The following FER variants were observed in gnomAD, a reference collection of about 807,000 sequenced individuals.
FER encodes tyrosine-protein kinase Fer.
A neutral mutation model predicts 111.0 loss-of-function variants in FER; 63 were observed. The observed-to-expected ratio is 0.57, with a 90% confidence interval of 0.46 to 0.70. The LOEUF is 0.70. Among genes scored for constraint, FER ranks in the 30% least tolerant of loss-of-function variants. The probability of loss-of-function intolerance (pLI) is 0.00; values close to 1 mark genes in which losing one functional copy is unlikely to be tolerated. For synonymous variants in FER, 327 were observed against 313.9 expected (o/e 1.04, Z -0.44); for missense variants, 914 against 954.0 (o/e 0.96, Z 0.55).
intron 3 of FER, among the ~76,000 whole-genome samples, chr5:108,819,494 T>C (rs1307221100): frequency 6.6e-6 from 1 of 152,224 alleles, no homozygotes; most frequent in Non-Finnish European, 1.5e-5. Context: ...GATTAATTTA[T>C]CTGACATTCA....
chr5:108,879,233 A>G (rs1275508289), intron 8 of FER, among the ~76,000 whole-genome samples: 1 of 151,940 alleles, frequency 6.6e-6, no homozygotes, highest in Admixed American at 6.6e-5. Context: ...AACTGTTACT[A>G]TTTTTTATGC....
intron 5 of FER, among the ~76,000 whole-genome samples, chr5:108,845,037 T>C (rs1453200571): frequency 1.7e-3 from 93 of 54,180 alleles, no homozygotes; most frequent in Admixed American, 3.8e-3. Flanking sequence ...TATATATATA[T>C]ATACATATAT....
At chr5:109,112,655 A>G (rs1318155769) in intron 17 of FER, among the ~76,000 whole-genome samples, 1 of 152,158 alleles carries the variant, frequency 6.6e-6, no homozygotes, top group Non-Finnish European at 1.5e-5. Flanking sequence ...AGAAAGTTTT[A>G]GCTGGTGTGT....
chr5:108,849,918 G>A (rs1407905700), intron 5 of FER, among the ~76,000 whole-genome samples: 4 of 152,082 alleles, frequency 2.6e-5, no homozygotes, highest in Non-Finnish European at 4.4e-5. Context: ...AGGGCCAGGC[G>A]CGGTGGCTCA....
intron 2 of FER, among the ~76,000 whole-genome samples, chr5:108,793,518 G>A (rs1263484875): frequency 7.7e-6 from 1 of 130,560 alleles, no homozygotes; most frequent in African/African-American, 3.1e-5. Context: ...TTTTGGCGGG[G>A]CGGGGGGGGT....
intron 16 of FER, 32 bp from the exon 17 acceptor site, chr5:109,100,364 T>G: frequency 1.9e-6 from 3 of 1,605,432 alleles, no homozygotes; most frequent in Non-Finnish European, 2.6e-6. Context: ...CATCATAACT[T>G]TGTCTCATTG....
chr5:109,084,191 G>A (rs1006487521), intron 16 of FER, among the ~76,000 whole-genome samples: 2 of 152,072 alleles, frequency 1.3e-5, no homozygotes, highest in Non-Finnish European at 2.9e-5. Flanking sequence ...TAAGCACTTT[G>A]TTGACTTTTA....
intron 8 of FER, among the ~76,000 whole-genome samples, chr5:108,879,697 A>ATATATATATATATATATATAT (rs1554084588): frequency 2.8e-4 from 27 of 96,012 alleles, no homozygotes; most frequent in African/African-American, 1.7e-3. Flanking sequence ...TTAGATTAAA[A>ATATATATATATATATATATAT]AAAAATATAT....
In FER at chr5:109,044,654, G is replaced by T. The variant is rs776315183; in HGVS notation, c.1714-26G>T. The stretch of plus-strand genomic sequence containing the variant: ...GATATACATGCTGTCATTTACCCCA[G>T]ACAATGAATGTATTTCTATTTTCAG... On this transcript the variant is annotated intron_variant, in intron 14 of 19. Transcript: ENST00000281092. 6.7e-6 allele frequency: 8 copies of T among 1,192,868 alleles called. No homozygotes were observed. The African/African-American group carries it at 1.1e-4, about 16-fold the overall frequency. 73.9% of individuals were successfully genotyped at this position (1,192,868 alleles called of 1,614,324 possible).
At chr5:108,871,992 A>G in intron 7 of FER, 101 bp from the exon 8 acceptor site, 5 of 1,207,514 alleles carry the variant, frequency 4.1e-6, no homozygotes, top group Non-Finnish European at 5.7e-6. Flanking sequence ...CTTTGTTAAC[A>G]TAATTTTGGA....
intron 11 of FER, among the ~76,000 whole-genome samples, chr5:108,953,763 A>G (rs575773867): frequency 1.3e-5 from 2 of 152,188 alleles, no homozygotes; most frequent in East Asian, 3.9e-4. Flanking sequence ...CCAATTTATA[A>G]ATTACTTTCT....
At chr5:108,820,784 G>A (rs1758755977) in intron 3 of FER, among the ~76,000 whole-genome samples, 1 of 152,006 alleles carries the variant, frequency 6.6e-6, no homozygotes, top group Non-Finnish European at 1.5e-5. Context: ...ATTCATTTTG[G>A]TTATTATATT....
intron 17 of FER, among the ~76,000 whole-genome samples, chr5:109,153,476 G>A (rs1442097456): frequency 6.6e-6 from 1 of 151,846 alleles, no homozygotes; most frequent in Non-Finnish European, 1.5e-5. Context: ...TGACTTAACG[G>A]TTGTATTTTC....
At chr5:108,874,022 A>G (rs1764859467) in intron 8 of FER, among the ~76,000 whole-genome samples, 1 of 152,154 alleles carries the variant, frequency 6.6e-6, no homozygotes, top group Non-Finnish European at 1.5e-5. Context: ...GTTTCTTTTT[A>G]TTATAATATT....
chr5:109,064,627 G>A lies in FER; in HGVS notation c.1924+17429G>A, dbSNP rs538847916. ...TATGTATGTCTGAGTAGTATTACTC[G>A]TAGGCTTTTTATGTTCTGAGCTTCG... On this transcript the variant is annotated intron_variant, in intron 16 of 19. Coordinates refer to ENST00000281092, the MANE Select transcript of FER (RefSeq NM_005246.4). 1.6e-4 allele frequency among the ~76,000 whole-genome samples: 25 copies of A among 152,192 alleles called. No homozygotes were observed. In the South Asian group the frequency reaches 3.9e-3, roughly 24 times the overall value.
At chr5:108,905,258 T>C (rs1229378168) in intron 10 of FER, among the ~76,000 whole-genome samples, 1 of 152,124 alleles carries the variant, frequency 6.6e-6, no homozygotes, top group Admixed American at 6.6e-5. Flanking sequence ...GTTATCTGTG[T>C]TCATATTCAT....
intron 17 of FER, among the ~76,000 whole-genome samples, chr5:109,158,014 G>T (rs1755589552): frequency 6.6e-6 from 1 of 151,902 alleles, no homozygotes; most frequent in Non-Finnish European, 1.5e-5. Flanking sequence ...GAATGCATAG[G>T]ATTTAGCTAG....
intron 9 of FER, among the ~76,000 whole-genome samples, chr5:108,892,162 G>A (rs12109578): frequency 0.034 from 5,219 of 151,924 alleles, 282 homozygotes; most frequent in African/African-American, 0.12. Flanking sequence ...ATGATTTATA[G>A]TCCTTTGGGT....
At chr5:108,907,718 CAAG>C (rs1750991723) in intron 10 of FER, among the ~76,000 whole-genome samples, 1 of 152,120 alleles carries the variant, frequency 6.6e-6, no homozygotes, top group African/African-American at 2.4e-5. Context: ...AAATGATTAA[CAAG>C]AAAACATCAG....
Sources: gnomAD v4.1 joint callset for allele counts (sites outside exome capture counted in the v4.1 genomes callset) on GRCh38, gnomAD v4.1.1 for gene constraint, MANE v1.5 for transcripts, NCBI Gene and HGNC (gene_info 2026-07-23, HGNC 2026-07-21) for gene names.